RALGPS1: variants seen among roughly 807,000 people sequenced by gnomAD.
The protein encoded by RALGPS1 is Ral GEF with PH domain and SH3 binding motif 1, also known as ras-specific guanine nucleotide-releasing factor RalGPS1.
A neutral mutation model predicts 78.8 loss-of-function variants in RALGPS1; 19 were observed. The observed-to-expected ratio is 0.24, with a 90% confidence interval of 0.17 to 0.35. RALGPS1 has a LOEUF of 0.35. Ranked by LOEUF, RALGPS1 falls within the 10% of genes least tolerant of loss-of-function variation. The pLI is 1.00. For missense variants in RALGPS1, 454 were observed against 688.3 expected, an observed-to-expected ratio of 0.66 and a Z score of 3.81; for synonymous variants, 228 against 256.3, an observed-to-expected ratio of 0.89 and a Z score of 1.06.
intron 11 of RALGPS1, among the ~76,000 whole-genome samples, chr9:127,179,787 C>A (rs899054620): frequency 3.3e-5 from 5 of 152,216 alleles, no homozygotes; most frequent in African/African-American, 1.2e-4. Flanking sequence ...GTCTCTCTGG[C>A]CCTCTTCTAG....
chr9:127,036,488 T>G (rs962462006), intron 5 of RALGPS1, among the ~76,000 whole-genome samples: 4 of 152,248 alleles, frequency 2.6e-5, no homozygotes. Context: ...ACAAATGGAA[T>G]ATGAAGAGCT....
chr9:127,065,112 T>C (rs2049573737), intron 7 of RALGPS1, among the ~76,000 whole-genome samples: 1 of 152,008 alleles, frequency 6.6e-6, no homozygotes, highest in Non-Finnish European at 1.5e-5. Context: ...GCTAATTTTT[T>C]TAATTATTAT....
At chr9:127,161,938 C>T (rs192401304) in intron 8 of RALGPS1, among the ~76,000 whole-genome samples, 2 of 152,336 alleles carry the variant, frequency 1.3e-5, no homozygotes, top group Admixed American at 1.3e-4. Flanking sequence ...CTGACAACAG[C>T]ATTTTTCTTA....
At chr9:127,192,597 G>T (rs956708362) in intron 11 of RALGPS1, among the ~76,000 whole-genome samples, 1 of 152,134 alleles carries the variant, frequency 6.6e-6, no homozygotes, top group Non-Finnish European at 1.5e-5. Flanking sequence ...GGTCGAGGCT[G>T]CAGCGAGCCA....
At chr9:127,199,520 G>GCCTCTGCCTCCCTCAAGGATC in intron 14 of RALGPS1, among the ~76,000 whole-genome samples, 1 of 93,552 alleles carries the variant, frequency 1.1e-5, no homozygotes, top group African/African-American at 3.6e-5. Flanking sequence ...AGTGGCCATA[G>GCCTCTGCCTCCCTCAAGGATC]CCTCTGCCTC....
At chr9:127,017,279 G>T (rs1374633809) in intron 4 of RALGPS1, among the ~76,000 whole-genome samples, 3 of 152,176 alleles carry the variant, frequency 2.0e-5, no homozygotes, top group Non-Finnish European at 4.4e-5. Flanking sequence ...TTGCTCCTGG[G>T]CTACAAACCT....
At chr9:127,074,945 G>A (rs1321791665) in intron 8 of RALGPS1, among the ~76,000 whole-genome samples, 1 of 152,238 alleles carries the variant, frequency 6.6e-6, no homozygotes, top group African/African-American at 2.4e-5. Context: ...TGTGTGAAGG[G>A]TATAAATTAT....
intron 1 of RALGPS1, among the ~76,000 whole-genome samples, chr9:126,943,680 C>T (rs1467050492): frequency 6.6e-6 from 1 of 152,106 alleles, no homozygotes; most frequent in East Asian, 1.9e-4. Flanking sequence ...TTCCTGTCAC[C>T]TGGGGTGTGC....
rs572492182 is a variant in RALGPS1 at position 127,037,714 on chromosome 9, G to A, written c.300+3200G>A. Reference sequence around the variant, plus strand: ...CAATTCCAGGCTTGTATCATATTCCGAGGGCAACCTCAGGAGAAAAGACCT... The same window carrying A: ...CAATTCCAGGCTTGTATCATATTCCAAGGGCAACCTCAGGAGAAAAGACCT... On this transcript the variant is annotated intron_variant, in intron 5 of 18. Transcript: ENST00000259351. Among the ~76,000 whole-genome samples, 125 of 152,200 alleles carry A rather than the reference G, an allele frequency of 8.2e-4. 1 individual carries two copies. Among genetic ancestry groups the A allele is most frequent in the Non-Finnish European group, 1.5e-3 (105 of 68,036 alleles).
chr9:126,947,149 C>T (rs1222904784), intron 1 of RALGPS1, among the ~76,000 whole-genome samples: 1 of 152,176 alleles, frequency 6.6e-6, no homozygotes, highest in East Asian at 1.9e-4. Flanking sequence ...GCTAAGAGAG[C>T]ATTGTCTGTG....
At chr9:127,201,105 G>A (rs768058966) in intron 14 of RALGPS1, among the ~76,000 whole-genome samples, 1 of 152,212 alleles carries the variant, frequency 6.6e-6, no homozygotes, top group African/African-American at 2.4e-5. Flanking sequence ...CTTGTCCCAG[G>A]GAGATGATGC....
intron 14 of RALGPS1, among the ~76,000 whole-genome samples, chr9:127,207,905 C>T (rs971374176): frequency 5.3e-5 from 8 of 152,258 alleles, no homozygotes; most frequent in East Asian, 1.9e-4. Flanking sequence ...GCAGCCACCC[C>T]GGCACAGGCC....
chr9:127,065,199 C>T (rs1015798819), intron 7 of RALGPS1, among the ~76,000 whole-genome samples: 2 of 152,120 alleles, frequency 1.3e-5, no homozygotes, highest in African/African-American at 2.4e-5. Flanking sequence ...CTGCAACCTT[C>T]GCATCCCGGG....
At chr9:127,068,799 G>A (rs2049934896) in intron 7 of RALGPS1, among the ~76,000 whole-genome samples, 1 of 152,178 alleles carries the variant, frequency 6.6e-6, no homozygotes, top group Non-Finnish European at 1.5e-5. Context: ...CAGCTCAGAG[G>A]CAGGTCATAT....
intron 4 of RALGPS1, among the ~76,000 whole-genome samples, chr9:126,980,892 G>T (rs1467130596): frequency 2.0e-5 from 3 of 152,286 alleles, no homozygotes; most frequent in African/African-American, 7.2e-5. Context: ...GGCTTCCATT[G>T]TGTAAGCAAT....
intron 2 of RALGPS1, among the ~76,000 whole-genome samples, chr9:126,964,630 T>TATGTATACTGCTTATACATAGCAGTA (rs565534102): frequency 0.2 from 30,484 of 151,890 alleles, 3,796 homozygotes; most frequent in East Asian, 0.44. Flanking sequence ...CTCAGAGGTC[T>TATGTATACTGCTTATACATAGCAGTA]TAACCACTAT....
At chr9:126,936,563 G>A (rs1207525117) in intron 1 of RALGPS1, among the ~76,000 whole-genome samples, 2 of 152,040 alleles carry the variant, frequency 1.3e-5, no homozygotes, top group East Asian at 1.9e-4. Flanking sequence ...AAGAGAATTA[G>A]GCTGTCTTTG....
chr9:127,181,505 C>T (rs1361968639), intron 11 of RALGPS1, among the ~76,000 whole-genome samples: 2 of 152,232 alleles, frequency 1.3e-5, no homozygotes, highest in Non-Finnish European at 1.5e-5. Flanking sequence ...TCCATATATC[C>T]GTATAGTGCA....
chr9:127,213,161 G>A (rs2062375909), intron 17 of RALGPS1, 112 bp downstream of exon 17: 3 of 1,500,150 alleles, frequency 2.0e-6, no homozygotes, highest in Middle Eastern at 1.8e-4. Context: ...CCTTCCCTTT[G>A]CTTTAGATTC....
Sources: allele counts gnomAD v4.1 joint callset (sites outside exome capture counted in the v4.1 genomes callset), GRCh38; gene constraint gnomAD v4.1.1; transcripts MANE v1.5; gene names NCBI Gene and HGNC (gene_info 2026-07-23, HGNC 2026-07-21).